Variants in SEMA3E observed in about 807,000 individuals in gnomAD.
SEMA3E encodes semaphorin-3E.
Under a neutral mutation model 93.6 loss-of-function variants are expected in SEMA3E, and 49 were observed. The observed-to-expected ratio is 0.52, with a 90% CI of 0.42 to 0.66. The LOEUF (loss-of-function observed/expected upper bound fraction) is 0.66, where lower values mean the gene tolerates loss of function less well. Ranked by LOEUF, SEMA3E falls within the 30% of genes least tolerant of loss-of-function variation. The pLI, the probability that SEMA3E is intolerant of heterozygous loss-of-function variation, is 0.00. For synonymous variants in SEMA3E, 363 were observed against 330.7 expected (o/e 1.10, Z -1.06); for missense variants, 906 against 964.8 (o/e 0.94, Z 0.81).
At chr7:83,473,775 T>G (rs1789950981) in intron 2 of SEMA3E, among the ~76,000 whole-genome samples, 1 of 151,748 alleles carries the variant, frequency 6.6e-6, no homozygotes, top group Non-Finnish European at 1.5e-5. Flanking sequence ...CTCATATTTG[T>G]TTGAATCCTA....
At chr7:83,507,942 C>A (rs1258408773) in intron 1 of SEMA3E, among the ~76,000 whole-genome samples, 2 of 151,792 alleles carry the variant, frequency 1.3e-5, no homozygotes, top group African/African-American at 4.8e-5. Flanking sequence ...AAAGCAAAAC[C>A]CTGTCTCACA....
At chr7:83,605,789 G>A (rs1216235207) in intron 1 of SEMA3E, among the ~76,000 whole-genome samples, 1 of 152,034 alleles carries the variant, frequency 6.6e-6, no homozygotes, top group East Asian at 1.9e-4. Context: ...TTTTGATAGG[G>A]TTGTTTGGTC....
intron 2 of SEMA3E, 92 bp downstream of exon 2, chr7:83,490,022 G>T (rs1236774825): frequency 1.7e-6 from 2 of 1,183,096 alleles, no homozygotes; most frequent in Non-Finnish European, 2.4e-6. Context: ...AAATTTTAAA[G>T]TGGTCAATAC....
At chr7:83,628,052 G>T (rs971715998) in intron 1 of SEMA3E, among the ~76,000 whole-genome samples, 5 of 152,154 alleles carry the variant, frequency 3.3e-5, no homozygotes, top group Middle Eastern at 3.4e-3. Flanking sequence ...TCTGTAAAGG[G>T]TTTTATTTCT....
At chr7:83,497,792 T>G (rs1430150552) in intron 1 of SEMA3E, among the ~76,000 whole-genome samples, 1 of 152,172 alleles carries the variant, frequency 6.6e-6, no homozygotes, top group Non-Finnish European at 1.5e-5. Flanking sequence ...TTTTCACAAG[T>G]CAAAGGTGTA....
intron 1 of SEMA3E, among the ~76,000 whole-genome samples, chr7:83,637,023 A>AGT (rs201112364): frequency 1.1e-4 from 17 of 148,986 alleles, no homozygotes; most frequent in East Asian, 2.0e-4. Flanking sequence ...TATGTGTGAG[A>AGT]GTGTGTGTGT....
At chr7:83,440,690 G>A (rs755817973) in intron 4 of SEMA3E, among the ~76,000 whole-genome samples, 17 of 151,652 alleles carry the variant, frequency 1.1e-4, no homozygotes, top group Non-Finnish European at 1.3e-4. Flanking sequence ...GTACACATCT[G>A]TAATCCCAGC....
intron 1 of SEMA3E, among the ~76,000 whole-genome samples, chr7:83,499,531 T>G (rs1562808103): frequency 6.6e-6 from 1 of 152,312 alleles, no homozygotes; most frequent in East Asian, 1.9e-4. Flanking sequence ...ATTTTTCTGT[T>G]GGATTAAAGT....
chr7:83,530,862 A>G (rs12154871), intron 1 of SEMA3E, among the ~76,000 whole-genome samples: 79,773 of 151,588 alleles, frequency 0.53, 23,306 homozygotes, highest in Middle Eastern at 0.69. Context: ...TGGGCAACAA[A>G]AGTGAAACTC....
intron 14 of SEMA3E, among the ~76,000 whole-genome samples, chr7:83,389,901 G>C (rs946368611): frequency 1.4e-4 from 17 of 118,660 alleles, no homozygotes; most frequent in African/African-American, 4.9e-4. Flanking sequence ...TATATTACAT[G>C]TATACATATA....
chr7:83,477,297 GAA>G (rs1562799431), intron 2 of SEMA3E, among the ~76,000 whole-genome samples: 1 of 151,936 alleles, frequency 6.6e-6, no homozygotes, highest in East Asian at 1.9e-4. Context: ...TTATTCTAAT[GAA>G]AAGTGTTTGC....
intron 1 of SEMA3E, among the ~76,000 whole-genome samples, chr7:83,578,519 A>G (rs1792455181): frequency 2.6e-5 from 4 of 152,172 alleles, no homozygotes; most frequent in African/African-American, 9.6e-5. Context: ...TCGTGCTTCT[A>G]CACTCCAGCC....
At chr7:83,541,215 G>T (rs2115763388) in intron 1 of SEMA3E, among the ~76,000 whole-genome samples, 1 of 152,220 alleles carries the variant, frequency 6.6e-6, no homozygotes, top group South Asian at 2.1e-4. Flanking sequence ...CTTGCTAGAG[G>T]GACTGGGTAG....
chr7:83,442,952 T>C (rs1208213174), intron 4 of SEMA3E, among the ~76,000 whole-genome samples: 2 of 152,152 alleles, frequency 1.3e-5, no homozygotes, highest in African/African-American at 4.8e-5. Context: ...TAGTAGCTTG[T>C]GTCGATGAAG....
At chr7:83,549,444 T>C (rs1039402738) in intron 1 of SEMA3E, among the ~76,000 whole-genome samples, 3 of 152,160 alleles carry the variant, frequency 2.0e-5, no homozygotes, top group African/African-American at 7.2e-5. Context: ...TTTGTCACTA[T>C]TTTCCTTTAC....
At chr7:83,375,946 T>C (rs1281957601) in intron 16 of SEMA3E, among the ~76,000 whole-genome samples, 1 of 152,046 alleles carries the variant, frequency 6.6e-6, no homozygotes, top group African/African-American at 2.4e-5. Context: ...AGCCTCCTAA[T>C]TATTGTGCAA....
intron 1 of SEMA3E, among the ~76,000 whole-genome samples, chr7:83,554,868 T>TA (rs1249440864): frequency 6.6e-6 from 1 of 151,844 alleles, no homozygotes; most frequent in African/African-American, 2.4e-5. Flanking sequence ...TCCCAGCTAC[T>TA]AGGGAGGTAG....
chr7:83,572,543 A>G lies in SEMA3E; in HGVS notation c.115+75885T>C, dbSNP rs376950640. Among the ~76,000 whole-genome samples the G allele has an allele frequency of 3.6e-4, 54 of 152,078 alleles. No individual in the cohort carries two copies. In the East Asian group the frequency reaches 6.8e-3, roughly 19 times the overall value. ...AGTCCCAGCTACTTGGGAGTCTGAGACAGGAGAATCGCTTGAACCCAGGAG... is the reference window on the plus strand; with the variant it reads ...AGTCCCAGCTACTTGGGAGTCTGAGGCAGGAGAATCGCTTGAACCCAGGAG... On this transcript the variant is annotated intron_variant, in intron 1 of 16. Coordinates refer to ENST00000643230, the MANE Select transcript of SEMA3E (RefSeq NM_012431.3).
At chr7:83,550,933 T>C (rs1015518257) in intron 1 of SEMA3E, among the ~76,000 whole-genome samples, 6 of 152,136 alleles carry the variant, frequency 3.9e-5, no homozygotes, top group African/African-American at 1.4e-4. Flanking sequence ...ATAAAAAGTT[T>C]TCAACCTCAT....
Sources: allele counts gnomAD v4.1 joint callset (sites outside exome capture counted in the v4.1 genomes callset), GRCh38; gene constraint gnomAD v4.1.1; transcripts MANE v1.5; gene names NCBI Gene and HGNC (gene_info 2026-07-23, HGNC 2026-07-21).